BACH2: variants seen among roughly 807,000 people sequenced by gnomAD.
BACH2 encodes the protein transcription regulator protein BACH2.
In BACH2, 5 loss-of-function variants were observed where a neutral mutation model predicts 61.8. The observed-to-expected ratio is 0.08, with a 90% CI of 0.04 to 0.17. The LOEUF is 0.17. BACH2 is among the 10% of genes least tolerant of loss of function. The pLI, the probability that BACH2 is intolerant of heterozygous loss-of-function variation, is 1.00. For missense variants in BACH2, 824 were observed against 1,091.1 expected (o/e 0.76, Z 3.45); for synonymous variants, 446 against 440.1 (o/e 1.01, Z -0.17).
rs570198407 is a variant in BACH2, at chr6:90,080,294, C to T, written c.-13+8667G>A. Among the ~76,000 whole-genome samples the T allele has an allele frequency of 5.3e-5, 8 of 152,226 alleles. 1 individual carries two copies. The South Asian group carries it at 1.0e-3, about 20-fold the overall frequency. ...TTGACTTATATCTGCTTTTAGTCTG[C>T]GGTGGCACCACGCTTACCAAGGCAC... On this transcript the variant is annotated intron_variant, in intron 5 of 8. Coordinates refer to ENST00000257749, the MANE Select transcript of BACH2 (RefSeq NM_021813.4).
At chr6:90,225,150 C>T (rs1769870006) in intron 3 of BACH2, among the ~76,000 whole-genome samples, 1 of 152,078 alleles carries the variant, frequency 6.6e-6, no homozygotes, top group Non-Finnish European at 1.5e-5. Context: ...TTTCTGAGGC[C>T]GAGGCGGGTG....
intron 5 of BACH2, among the ~76,000 whole-genome samples, chr6:90,032,806 T>C (rs1045208423): frequency 6.6e-6 from 1 of 152,216 alleles, no homozygotes; most frequent in Non-Finnish European, 1.5e-5. Flanking sequence ...TGGCGATTCC[T>C]CAGGGATCCA....
intron 6 of BACH2, among the ~76,000 whole-genome samples, chr6:90,007,084 AT>A (rs1338338842): frequency 2.7e-5 from 4 of 149,262 alleles, no homozygotes; most frequent in Non-Finnish European, 4.5e-5. Context: ...TATTATTATT[AT>A]TTTTTTTGAG....
intron 4 of BACH2, among the ~76,000 whole-genome samples, chr6:90,192,074 G>A (rs1385106309): frequency 6.6e-6 from 1 of 152,198 alleles, no homozygotes; most frequent in African/African-American, 2.4e-5. Context: ...GGTAAAAACT[G>A]TGTTTTAAAG....
intron 1 of BACH2, among the ~76,000 whole-genome samples, chr6:90,287,565 G>A (rs986300224): frequency 2.0e-5 from 3 of 152,060 alleles, no homozygotes; most frequent in African/African-American, 4.8e-5. Flanking sequence ...GGCAAAAGGC[G>A]GGAAATGCTC....
intron 2 of BACH2, among the ~76,000 whole-genome samples, chr6:90,256,875 C>T (rs1442027175): frequency 3.9e-5 from 6 of 152,166 alleles, no homozygotes; most frequent in African/African-American, 1.4e-4. Context: ...TACATCTCTC[C>T]ATTTCCTGCC....
chr6:90,015,103 T>C (rs1582200511), intron 5 of BACH2, among the ~76,000 whole-genome samples: 2 of 152,276 alleles, frequency 1.3e-5, no homozygotes, highest in East Asian at 3.9e-4. Flanking sequence ...TTTAAAAATA[T>C]TCCTTCTAAT....
At chr6:90,201,971 T>C (rs981761901) in intron 4 of BACH2, among the ~76,000 whole-genome samples, 1 of 152,260 alleles carries the variant, frequency 6.6e-6, no homozygotes, top group African/African-American at 2.4e-5. Context: ...CCAGTAGCTC[T>C]GTTAACTTGC....
chr6:90,291,808 C>G (rs1045196415), intron 1 of BACH2, among the ~76,000 whole-genome samples: 1 of 152,180 alleles, frequency 6.6e-6, no homozygotes, highest in African/African-American at 2.4e-5. Flanking sequence ...TTCCCAAGGC[C>G]TTGGTGCTGC....
chr6:90,158,493 T>C (rs1035668202), intron 4 of BACH2, among the ~76,000 whole-genome samples: 2 of 152,062 alleles, frequency 1.3e-5, no homozygotes, highest in Admixed American at 6.6e-5. Context: ...CAGTCATAAC[T>C]GATTGGGACA....
chr6:90,001,025 A>G (rs1171049224), intron 6 of BACH2, among the ~76,000 whole-genome samples: 1 of 152,202 alleles, frequency 6.6e-6, no homozygotes, highest in African/African-American at 2.4e-5. Context: ...CAAGGACTGT[A>G]AACCTGTGTG....
At chr6:90,079,457 G>A (rs1245086925) in intron 5 of BACH2, among the ~76,000 whole-genome samples, 4 of 152,104 alleles carry the variant, frequency 2.6e-5, no homozygotes, top group Non-Finnish European at 4.4e-5. Context: ...AAGATTCAAG[G>A]GTTTCACGCT....
At chr6:89,971,604 T>C (rs1775363939) in intron 6 of BACH2, among the ~76,000 whole-genome samples, 1 of 152,144 alleles carries the variant, frequency 6.6e-6, no homozygotes, top group Admixed American at 6.5e-5. Context: ...AAGACATACC[T>C]GAGACTGGGT....
At chr6:89,954,309 T>A (rs145094188) in intron 6 of BACH2, among the ~76,000 whole-genome samples, 265 of 148,342 alleles carry the variant, frequency 1.8e-3, no homozygotes, top group African/African-American at 6.2e-3. Flanking sequence ...TTTTTTTTTT[T>A]ATTATTATTA....
intron 6 of BACH2, among the ~76,000 whole-genome samples, chr6:89,976,288 C>T (rs558948863): frequency 7.7e-4 from 117 of 152,308 alleles, no homozygotes; most frequent in African/African-American, 2.5e-3. Context: ...AAAAATAAAG[C>T]GTAAAAATGC....
At chr6:89,993,183 G>A (rs1776670299) in intron 6 of BACH2, among the ~76,000 whole-genome samples, 2 of 152,190 alleles carry the variant, frequency 1.3e-5, no homozygotes, top group Non-Finnish European at 2.9e-5. Flanking sequence ...AAGCCACCCA[G>A]CCTGTGGTAT....
Position 89,946,372 on chromosome 6 carries a change from A to G in BACH2, c.1836+3898T>C, listed in dbSNP as rs370659719. Reference sequence around the variant, plus strand: ...GGAAATTGGACACTCTAAGTTGCTGATGAATATGTGAATTGCTACAACATT... The same window carrying G: ...GGAAATTGGACACTCTAAGTTGCTGGTGAATATGTGAATTGCTACAACATT... On this transcript the variant is annotated intron_variant, in intron 7 of 8. Coordinates refer to ENST00000257749, the MANE Select transcript of BACH2 (RefSeq NM_021813.4). Among the ~76,000 whole-genome samples, 41 of 152,314 alleles carry G rather than the reference A, an allele frequency of 2.7e-4. No individual in the cohort carries two copies. In the East Asian group the frequency reaches 7.7e-3, roughly 29 times the overall value.
At chr6:90,169,691 G>T (rs1467884849) in intron 4 of BACH2, among the ~76,000 whole-genome samples, 1 of 152,120 alleles carries the variant, frequency 6.6e-6, no homozygotes, top group African/African-American at 2.4e-5. Context: ...TTTGCACCCT[G>T]GTGTACACTG....
intron 4 of BACH2, among the ~76,000 whole-genome samples, chr6:90,120,749 C>T (rs753770963): frequency 1.3e-5 from 2 of 152,148 alleles, no homozygotes; most frequent in Non-Finnish European, 2.9e-5. Flanking sequence ...TTCTCCATCC[C>T]CTGTATAAAA....
Sources: gnomAD v4.1 joint callset for allele counts (sites outside exome capture counted in the v4.1 genomes callset) on GRCh38, gnomAD v4.1.1 for gene constraint, MANE v1.5 for transcripts, NCBI Gene and HGNC (gene_info 2026-07-23, HGNC 2026-07-21) for gene names.